RPRD2: variants seen among roughly 807,000 people sequenced by gnomAD.
RPRD2 encodes regulation of nuclear pre-mRNA domain-containing protein 2.
A neutral mutation model predicts 104.4 loss-of-function variants in RPRD2; 12 were observed. That is an observed-to-expected ratio of 0.11 (90% confidence interval 0.07 to 0.19). The LOEUF is 0.19. Among genes scored for constraint, RPRD2 ranks in the 10% least tolerant of loss-of-function variants. The pLI is 1.00. For missense variants in RPRD2, 1,543 were observed against 1,790.1 expected (o/e 0.86, Z 2.49); for synonymous variants, 714 against 684.9 (o/e 1.04, Z -0.66).
intron 2 of RPRD2, among the ~76,000 whole-genome samples, chr1:150,440,449 C>T (rs1422460738): frequency 6.6e-5 from 10 of 152,202 alleles, no homozygotes; most frequent in African/African-American, 2.4e-4. Context: ...CCCTTTACTT[C>T]CCTCATTGTT....
intron 1 of RPRD2, among the ~76,000 whole-genome samples, chr1:150,383,306 GT>G (rs1553881149): frequency 0.026 from 3,311 of 126,734 alleles, 154 homozygotes; most frequent in African/African-American, 0.092. Context: ...CAAATAAGAG[GT>G]TTTTTTTTTT....
Position 150,470,796 on chromosome 1 carries a change from G to C in RPRD2, c.1848G>C (p.Gly616=). The stretch of plus-strand genomic sequence containing the variant: ...AGGCCTCAATTGGGCAAAGCCCAGG[G>C]CTCCCAAGCACTACTTTTAAACTAC... The part of the protein sequence containing the change: ...ASKASIGQSP[G]LPSTTFKLPS... Residue 616 remains glycine, a synonymous_variant, in exon 11 of 11, where the codon GGG becomes GGC. Coordinates refer to ENST00000369068, the MANE Select transcript of RPRD2 (RefSeq NM_015203.5). 1.2e-6 allele frequency: 2 copies of C among 1,613,976 alleles called. No homozygotes were observed. The highest frequency in any genetic ancestry group is 1.7e-6 in the Non-Finnish European group (2 of 1,179,906).
chr1:150,399,177 T>A (rs1173346801), intron 1 of RPRD2, among the ~76,000 whole-genome samples: 2 of 151,800 alleles, frequency 1.3e-5, no homozygotes, highest in Admixed American at 1.3e-4. Flanking sequence ...TATCTTTTAA[T>A]TTTTCTTTAT....
chr1:150,436,806 G>A (rs1666033187), intron 2 of RPRD2, among the ~76,000 whole-genome samples: 1 of 151,794 alleles, frequency 6.6e-6, no homozygotes, highest in East Asian at 2.0e-4. Flanking sequence ...TCAGGAAGCC[G>A]AGGCAGGACA....
rs1371356216 is a variant in RPRD2, at chr1:150,472,231, A to G, written c.3283A>G (p.Asn1095Asp). The G allele has an allele frequency of 5.0e-6, 8 of 1,613,866 alleles. 1 individual carries two copies. The African/African-American group carries it at 9.3e-5, about 19-fold the overall frequency. The part of the protein sequence containing the change: ...IETLGYHSAS[N>D]RRMSGEPIQT... ...AACCTTGGGTTATCACAGTGCATCCAATAGGAGGATGTCAGGGGAGCCGAT... is the reference window on the plus strand; with the variant it reads ...AACCTTGGGTTATCACAGTGCATCCGATAGGAGGATGTCAGGGGAGCCGAT... Residue 1095 changes from asparagine to aspartate, a missense_variant, in exon 11 of 11, where the codon AAT becomes GAT. Around this residue, in one of 4 missense-constraint regions of RPRD2, gnomAD observed 880 missense variants for 885.6 expected, o/e 0.99. Coordinates refer to ENST00000369068, the MANE Select transcript of RPRD2 (RefSeq NM_015203.5).
rs782130213 is a variant in RPRD2, at chr1:150,427,829, G to T, written c.335+10104G>T. Among the ~76,000 whole-genome samples, 9 of 151,868 alleles carry T rather than the reference G, an allele frequency of 5.9e-5. No individual in the cohort carries two copies. The South Asian group carries it at 6.2e-4, about 11-fold the overall frequency. On this transcript the variant is annotated intron_variant, in intron 2 of 10. Coordinates refer to ENST00000369068, the MANE Select transcript of RPRD2 (RefSeq NM_015203.5). ...TGAACTCTTTAGTAAAGGATTCTGGGGTATAACACTTTCTGTATAGAAAAA... is the reference window on the plus strand; with the variant it reads ...TGAACTCTTTAGTAAAGGATTCTGGTGTATAACACTTTCTGTATAGAAAAA...
chr1:150,370,572 C>CTTTTTT (rs11288735), intron 1 of RPRD2, among the ~76,000 whole-genome samples: 6 of 109,716 alleles, frequency 5.5e-5, no homozygotes, highest in Non-Finnish European at 1.1e-4. Context: ...TCCATTTTGT[C>CTTTTTT]TTTTTTTTTT....
intron 2 of RPRD2, among the ~76,000 whole-genome samples, chr1:150,440,464 T>C (rs1553894150): frequency 6.6e-6 from 1 of 152,260 alleles, no homozygotes; most frequent in East Asian, 1.9e-4. Flanking sequence ...ATTGTTACTA[T>C]GTATTCTCAT....
At chr1:150,411,528 G>A (rs1663914909) in intron 1 of RPRD2, among the ~76,000 whole-genome samples, 2 of 124,582 alleles carry the variant, frequency 1.6e-5, no homozygotes, top group Admixed American at 7.8e-5. Flanking sequence ...GGTGGCTCAC[G>A]CCTGTAATCC....
At chr1:150,384,639 T>TTGTGTGTGTG (rs71086504) in intron 1 of RPRD2, among the ~76,000 whole-genome samples, 43 of 133,400 alleles carry the variant, frequency 3.2e-4, no homozygotes, top group African/African-American at 8.7e-4. Context: ...CCTGGCTAAT[T>TTGTGTGTGTG]TGTGTGTGTG....
chr1:150,459,128 T>C (rs1319409223), intron 8 of RPRD2, among the ~76,000 whole-genome samples: 1 of 152,224 alleles, frequency 6.6e-6, no homozygotes, highest in Non-Finnish European at 1.5e-5. Flanking sequence ...AATCACACTT[T>C]CAGAAATAAC....
intron 9 of RPRD2, among the ~76,000 whole-genome samples, 159 bp from the exon 10 acceptor site, chr1:150,464,368 T>G (rs998415319): frequency 2.0e-5 from 3 of 151,050 alleles, no homozygotes; most frequent in Non-Finnish European, 3.0e-5. Flanking sequence ...CAGGGTTTTT[T>G]TTTTTTTTTT....
At chr1:150,427,472 CAAAAAA>C (rs111542386) in intron 2 of RPRD2, among the ~76,000 whole-genome samples, 5 of 125,670 alleles carry the variant, frequency 4.0e-5, no homozygotes, top group South Asian at 2.8e-4. Context: ...GACTCTATCT[CAAAAAA>C]AAAAAAAAAG....
intron 7 of RPRD2, among the ~76,000 whole-genome samples, chr1:150,452,011 G>A (rs1420980134): frequency 1.3e-5 from 2 of 150,442 alleles, no homozygotes; most frequent in African/African-American, 2.4e-5. Flanking sequence ...GCATGGTGGC[G>A]GGTGCCTGTA....
In RPRD2 at chr1:150,471,711, T is replaced by C. The variant is rs373101434; in HGVS notation, c.2763T>C (p.Asn921=). ...TTGGTGCCTTCAGCGTAAGAGGGAA[T>C]GAACCTGGGTCTGACCGGTCACCAT... ...GLFGAFSVRG[N]EPGSDRSPSP... Residue 921 remains asparagine, a synonymous_variant, in exon 11 of 11, where the codon AAT becomes AAC. Transcript: ENST00000369068. The surrounding 1 kb of genome is among the most constrained non-coding windows in gnomAD (Gnocchi z 5.3). 3.1e-6 allele frequency: 5 copies of C among 1,613,836 alleles called. No individual in the cohort carries two copies. Among genetic ancestry groups the C allele is most frequent in the Admixed American group, 3.3e-5 (2 of 59,996 alleles).
chr1:150,407,591 G>A (rs982045005), intron 1 of RPRD2, among the ~76,000 whole-genome samples: 1 of 152,144 alleles, frequency 6.6e-6, no homozygotes, highest in Non-Finnish European at 1.5e-5. Context: ...TCACATAGTG[G>A]TGGAGGAGTA....
intron 1 of RPRD2, among the ~76,000 whole-genome samples, chr1:150,416,977 G>C (rs899058846): frequency 8.6e-5 from 13 of 152,018 alleles, no homozygotes; most frequent in Admixed American, 6.6e-4. Context: ...GATGAAAGCA[G>C]CAGCAGAGCC....
At chr1:150,365,057 C>T in intron 1 of RPRD2, 138 bp downstream of exon 1, 1 of 758,888 alleles carries the variant, frequency 1.3e-6, no homozygotes, top group Non-Finnish European at 2.1e-6. Flanking sequence ...CCAGTGGTCC[C>T]AAACCCAGAC....
chr1:150,387,706 A>ATCAGCC (rs1266024207), intron 1 of RPRD2, among the ~76,000 whole-genome samples: 1 of 137,694 alleles, frequency 7.3e-6, no homozygotes, highest in Non-Finnish European at 1.5e-5. Flanking sequence ...GTTCTCCTGC[A>ATCAGCC]TCAGCCTCCC....
Sources: gnomAD v4.1 joint callset for allele counts (sites outside exome capture counted in the v4.1 genomes callset) on GRCh38, gnomAD v4.1.1 for gene constraint, gnomAD v4.1.1 regional missense constraint, Gnocchi (gnomAD v3.1) non-coding constraint, MANE v1.5 for transcripts, NCBI Gene and HGNC (gene_info 2026-07-23, HGNC 2026-07-21) for gene names.